Variants in COL4A1 observed in about 807,000 individuals in gnomAD.
COL4A1 encodes collagen type IV alpha 1 chain.
A neutral mutation model predicts 216.6 loss-of-function variants in COL4A1; 40 were observed. The observed-to-expected ratio is 0.18, with a 90% confidence interval of 0.14 to 0.24. COL4A1 has a LOEUF of 0.24. COL4A1 is among the 10% of genes least tolerant of loss of function. The pLI is 1.00. For missense variants in COL4A1, 1,628 were observed against 2,196.8 expected, an observed-to-expected ratio of 0.74 and a Z score of 5.18; for synonymous variants, 839 against 810.7, an observed-to-expected ratio of 1.03 and a Z score of -0.59.
In COL4A1 at chr13:110,253,085, C is replaced by T. The variant is rs181003356; in HGVS notation, c.85-10351G>A. On this transcript the variant is annotated intron_variant, in intron 1 of 51. Coordinates refer to ENST00000375820, the MANE Select transcript of COL4A1 (RefSeq NM_001845.6). ...TTACATATACATATAACTATAAGTA[C>T]GTATGTATTACATATACATATAACT... 2.5e-3 allele frequency among the ~76,000 whole-genome samples: 273 copies of T among 111,106 alleles called. 79 individuals carry two copies. The highest frequency in any genetic ancestry group is 4.3e-3 in the Non-Finnish European group (233 of 53,886). 72.9% of individuals were successfully genotyped at this position (111,106 alleles called of 152,430 possible). A position where few individuals can be genotyped will look rare whatever the true frequency, so the allele number is the denominator to read the frequency against.
chr13:110,154,972 C>T (rs949067711), intron 50 of COL4A1, among the ~76,000 whole-genome samples: 3 of 152,224 alleles, frequency 2.0e-5, no homozygotes, highest in African/African-American at 7.2e-5. Flanking sequence ...GGAACAGACC[C>T]GTAGAGCACC....
At chr13:110,212,322 TA>T in intron 6 of COL4A1, 94 bp downstream of exon 6, 1 of 1,469,138 alleles carries the variant, frequency 6.8e-7, no homozygotes, top group Non-Finnish European at 9.5e-7. Flanking sequence ...TTGTGGCAAA[TA>T]AAACTCTATT....
intron 2 of COL4A1, among the ~76,000 whole-genome samples, chr13:110,215,166 T>C (rs112585763): frequency 0.085 from 12,873 of 152,224 alleles, 543 homozygotes; most frequent in African/African-American, 0.11. Flanking sequence ...GAGATGTGGG[T>C]GGGCAGAGTC....
At chr13:110,166,512 CACACATATATGCATATAT>C (rs1237256126) in intron 44 of COL4A1, among the ~76,000 whole-genome samples, 6 of 152,190 alleles carry the variant, frequency 3.9e-5, no homozygotes, top group East Asian at 1.9e-4. Flanking sequence ...CATACATATA[CACACATATATGCATATAT>C]ACACATATAT....
chr13:110,250,683 T>C (rs1882032594), intron 1 of COL4A1, among the ~76,000 whole-genome samples: 1 of 152,006 alleles, frequency 6.6e-6, no homozygotes, highest in South Asian at 2.1e-4. Flanking sequence ...GTGAAATGAG[T>C]TGGTGGGCTT....
rs112694231 is a variant in COL4A1, at chr13:110,219,904, A to G, written c.145-5889T>C. Among the ~76,000 whole-genome samples the G allele has an allele frequency of 9.8e-5, 12 of 122,392 alleles. 1 individual carries two copies. Among genetic ancestry groups the G allele is most frequent in the Non-Finnish European group, 1.7e-4 (10 of 60,228 alleles). 80.3% of individuals were successfully genotyped at this position (122,392 alleles called of 152,430 possible). A position where few individuals can be genotyped will look rare whatever the true frequency, so the allele number is the denominator to read the frequency against. On this transcript the variant is annotated intron_variant, in intron 2 of 51. Coordinates refer to ENST00000375820, the MANE Select transcript of COL4A1 (RefSeq NM_001845.6). ...TATATATATGTGTGTATATATATGT[A>G]TATATATGTGTGTATATATATGTAT...
intron 2 of COL4A1, among the ~76,000 whole-genome samples, chr13:110,242,368 C>A (rs563981819): frequency 6.6e-5 from 10 of 152,218 alleles, no homozygotes; most frequent in African/African-American, 2.2e-4. Flanking sequence ...TCTTATACAT[C>A]AATTCGAAAA....
intron 2 of COL4A1, among the ~76,000 whole-genome samples, chr13:110,234,949 C>T (rs1881238839): frequency 6.6e-6 from 1 of 152,180 alleles, no homozygotes; most frequent in Non-Finnish European, 1.5e-5. Flanking sequence ...TAATGCACTA[C>T]CTAAACAAAG....
chr13:110,239,380 CAAAGAGACGTGGGA>C (rs1415912450), intron 2 of COL4A1, among the ~76,000 whole-genome samples: 3 of 152,140 alleles, frequency 2.0e-5, no homozygotes, highest in African/African-American at 7.2e-5. Flanking sequence ...AAGTGCTCCT[CAAAGAGACGTGGGA>C]AAATATGTCT....
In COL4A1 at chr13:110,268,994, G is replaced by A. The variant is rs1302393800; in HGVS notation, c.85-26260C>T. On this transcript the variant is annotated intron_variant, in intron 1 of 51. Transcript: ENST00000375820. The surrounding 1 kb of genome is among the most constrained non-coding windows in gnomAD (Gnocchi z 4.1). ...ACCTCCACACGCCTTGCAGCACCAC[G>A]GCCCACCTCTTGGCGCACGGAGAAC... is the stretch of plus-strand genomic sequence containing the variant. Among the ~76,000 whole-genome samples, 2 of 150,696 alleles carry A rather than the reference G, an allele frequency of 1.3e-5. No individual in the cohort carries two copies. Among genetic ancestry groups the A allele is most frequent in the African/African-American group, 2.4e-5 (1 of 40,950 alleles).
rs368033813 is a variant in COL4A1 at position 110,224,227 on chromosome 13, A to G, written c.145-10212T>C. On this transcript the variant is annotated intron_variant, in intron 2 of 51. Coordinates refer to ENST00000375820, the MANE Select transcript of COL4A1 (RefSeq NM_001845.6). ...CACAATTCTAGGTCATGACTTAGTTAAAAGATTTGGGGTAAGAAGAAAGAC... is the reference window on the plus strand; with the variant it reads ...CACAATTCTAGGTCATGACTTAGTTGAAAGATTTGGGGTAAGAAGAAAGAC... Among the ~76,000 whole-genome samples, 3 of 89,208 alleles carry G rather than the reference A, an allele frequency of 3.4e-5. No homozygotes were observed. The South Asian group carries it at 1.1e-3, about 32-fold the overall frequency. 58.5% of individuals were successfully genotyped at this position (89,208 alleles called of 152,430 possible).
chr13:110,201,299 G>A lies in COL4A1; in HGVS notation c.1084+139C>T, dbSNP rs1879196023. On this transcript the variant is annotated intron_variant, in intron 19 of 51. Coordinates refer to ENST00000375820, the MANE Select transcript of COL4A1 (RefSeq NM_001845.6). The stretch of plus-strand genomic sequence containing the variant: ...AGGGGGAGGAGGAAGAGAAGGAGGG[G>A]GCGGAGGAAGAGAAGGAGGGGGAGG... 5.0e-6 allele frequency: 3 copies of A among 602,342 alleles called. No individual in the cohort carries two copies. The Admixed American group carries it at 7.4e-5, about 15-fold the overall frequency. 37.3% of individuals were successfully genotyped at this position (602,342 alleles called of 1,614,324 possible).
At chr13:110,219,568 C>T (rs1055208304) in intron 2 of COL4A1, among the ~76,000 whole-genome samples, 5 of 150,894 alleles carry the variant, frequency 3.3e-5, no homozygotes, top group Admixed American at 6.6e-5. Flanking sequence ...TGTGGGTATA[C>T]GCAAGAGCTT....
intron 20 of COL4A1, among the ~76,000 whole-genome samples, chr13:110,199,905 A>G (rs183997047): frequency 1.2e-3 from 186 of 152,314 alleles, no homozygotes; most frequent in East Asian, 6.2e-3. Context: ...TTAAGGGTAG[A>G]GTCAGAGTTT....
At chr13:110,191,431 C>T (rs924761648) in intron 24 of COL4A1, 11 of 398,018 alleles carry the variant, frequency 2.8e-5, no homozygotes, top group Non-Finnish European at 4.4e-5. Context: ...AAAGAAAATA[C>T]GAGAGGAACA....
chr13:110,183,911 C>T (rs1334909414), intron 26 of COL4A1, among the ~76,000 whole-genome samples: 7 of 152,292 alleles, frequency 4.6e-5, no homozygotes, highest in Admixed American at 1.3e-4. Context: ...TAAGAAAGGA[C>T]CAAAGGCTTC....
chr13:110,293,584 AC>A (rs764889595), intron 1 of COL4A1, among the ~76,000 whole-genome samples: 2 of 152,190 alleles, frequency 1.3e-5, no homozygotes, highest in Non-Finnish European at 2.9e-5. Context: ...AGATACAGCA[AC>A]CCAAACTCAG....
chr13:110,255,367 C>T (rs532149286), intron 1 of COL4A1, among the ~76,000 whole-genome samples: 12 of 150,694 alleles, frequency 8.0e-5, no homozygotes, highest in Admixed American at 5.3e-4. Flanking sequence ...CTTGCAAGGA[C>T]GTCCTTGCCC....
At chr13:110,163,411 T>G (rs894794644) in intron 47 of COL4A1, 52 bp downstream of exon 47, 136 of 1,537,086 alleles carry the variant, frequency 8.8e-5, no homozygotes, top group Non-Finnish European at 1.1e-4. Flanking sequence ...CTGCTCCTTC[T>G]ATCCCAAAGA....
Sources: gnomAD v4.1 joint callset for allele counts (sites outside exome capture counted in the v4.1 genomes callset) on GRCh38, gnomAD v4.1.1 for gene constraint, Gnocchi (gnomAD v3.1) non-coding constraint, MANE v1.5 for transcripts, NCBI Gene and HGNC (gene_info 2026-07-23, HGNC 2026-07-21) for gene names.